Variants in HECTD4 observed in about 807,000 individuals in gnomAD.
HECTD4 encodes the protein probable E3 ubiquitin-protein ligase HECTD4.
In HECTD4, 114 loss-of-function variants were observed where a neutral mutation model predicts 471.5. The observed-to-expected ratio is 0.24, with a 90% CI of 0.21 to 0.28. The LOEUF (loss-of-function observed/expected upper bound fraction) is 0.28. Among genes scored for constraint, HECTD4 ranks in the 10% least tolerant of loss-of-function variants. HECTD4 has a pLI of 1.00. For synonymous variants in HECTD4, 2,012 were observed against 2,256.0 expected (o/e 0.89, Z 3.07); for missense variants, 3,866 against 5,651.5 (o/e 0.68, Z 10.13).
chr12:112,169,837 C>A, intron 69 of HECTD4, 179 bp from the exon 70 acceptor site: 1 of 703,498 alleles, frequency 1.4e-6, no homozygotes, highest in South Asian at 1.7e-5. Flanking sequence ...CCTTAGCACT[C>A]ATGGCTCCCA....
intron 55 of HECTD4, among the ~76,000 whole-genome samples, chr12:112,199,342 T>C (rs1261794257): frequency 6.6e-6 from 1 of 152,176 alleles, no homozygotes; most frequent in African/African-American, 2.4e-5. Flanking sequence ...CTCATTGAAC[T>C]TAAGATCACC....
Position 112,164,261 on chromosome 12 carries a change from G to T in HECTD4, c.12549C>A (p.Thr4183=), listed in dbSNP as rs770712715. The T allele has an allele frequency of 6.2e-7, 1 of 1,612,882 alleles. No homozygotes were observed. The highest frequency in any genetic ancestry group is 1.7e-5 in the Admixed American group (1 of 59,978). The change falls in exon 73 of 76, where the codon ACC becomes ACA. Residue 4183 remains threonine, a synonymous_variant. Transcript: ENST00000682272. ...TCTCAGCGCACAGGGCCTCCAGCTC[G>T]GTCTCATCATTGATCTGGAGGGTGG... ...VKKFESINDE[T]ELEALCAEIA...
Position 112,246,915 on chromosome 12 carries a change from G to A in HECTD4, c.4499C>T (p.Pro1500Leu). The change falls in exon 29 of 76, where the codon CCT (proline) becomes CTT (leucine). Residue 1500 changes from proline to leucine, a missense_variant. Pro to Leu is a moderately conservative substitution (Grantham distance 98). Transcript: ENST00000682272. ...TTGAGCAGTACCTGGTGTTTCAGCAGGGGTCCCAGAGATGCTTCTCGTGAG... is the reference window on the plus strand; with the variant it reads ...TTGAGCAGTACCTGGTGTTTCAGCAAGGGTCCCAGAGATGCTTCTCGTGAG... ...SGLTRSISGTPAETPACKSAS... is the reference protein window; with the variant it reads ...SGLTRSISGTLAETPACKSAS... 1 of 1,611,974 alleles carries A rather than the reference G, an allele frequency of 6.2e-7. No individual in the cohort carries two copies. The highest frequency in any genetic ancestry group is 8.5e-7 in the Non-Finnish European group (1 of 1,179,752).
chr12:112,221,502 G>A (rs1279207609), intron 44 of HECTD4, among the ~76,000 whole-genome samples: 1 of 152,196 alleles, frequency 6.6e-6, no homozygotes, highest in Non-Finnish European at 1.5e-5. Flanking sequence ...GCCTCTCAAA[G>A]TGCTGGGATT....
intron 25 of HECTD4, chr12:112,249,908 A>G (rs988201797): frequency 1.9e-6 from 1 of 533,342 alleles, no homozygotes; most frequent in African/African-American, 1.9e-5. Context: ...AATGGGGTCC[A>G]AGAACCAACA....
At chr12:112,317,185 A>C (rs2135697052) in intron 2 of HECTD4, among the ~76,000 whole-genome samples, 1 of 152,356 alleles carries the variant, frequency 6.6e-6, no homozygotes, top group East Asian at 1.9e-4. Context: ...AAAATAAATC[A>C]ATCCAATATA....
intron 1 of HECTD4, among the ~76,000 whole-genome samples, chr12:112,361,009 C>A (rs1477499246): frequency 2.0e-5 from 3 of 149,504 alleles, no homozygotes; most frequent in Non-Finnish European, 4.5e-5. Context: ...AAGGTAAGAT[C>A]AAAACAGTAT....
rs1310571030 is a variant in HECTD4, at chr12:112,239,529, T to G, written c.5106-293A>C. Among the ~76,000 whole-genome samples the G allele has an allele frequency of 6.6e-6, 1 of 152,252 alleles. No homozygotes were observed. Among genetic ancestry groups the G allele is most frequent in the Non-Finnish European group, 1.5e-5 (1 of 68,048 alleles). ...TTTTGTCCTAAGGGGATTCAATGAA[T>G]GCTTGACATCTTCAAATTAGTAACT... On this transcript the variant is annotated intron_variant, in intron 33 of 75. Coordinates refer to ENST00000682272, the MANE Select transcript of HECTD4 (RefSeq NM_001388303.1). This position sits in a 1 kb window ranked among gnomAD's most constrained non-coding sequence, Gnocchi z 4.9.
rs1174036094 is a variant in HECTD4, at chr12:112,172,861, C to T, written c.11595G>A (p.Arg3865=). ...CATGTCGGACATCGATGCATGCGCACCTTGGGGTGGGGACAGGGGGAGAGG... is the reference window on the plus strand; with the variant it reads ...CATGTCGGACATCGATGCATGCGCATCTTGGGGTGGGGACAGGGGGAGAGG... ...LSCGYDLHFE[R]CACIDVRHAQ... The change falls in exon 67 of 76, where the codon AGG becomes AGA. Residue 3865 remains arginine, a splice_region_variant and synonymous_variant. Coordinates refer to ENST00000682272, the MANE Select transcript of HECTD4 (RefSeq NM_001388303.1). The T allele has an allele frequency of 1.9e-6, 3 of 1,613,776 alleles. No homozygotes were observed. Among genetic ancestry groups the T allele is most frequent in the Non-Finnish European group, 2.5e-6 (3 of 1,179,750 alleles).
intron 15 of HECTD4, 58 bp downstream of exon 15, chr12:112,265,820 A>G: frequency 7.7e-7 from 1 of 1,299,316 alleles, no homozygotes; most frequent in Non-Finnish European, 1.1e-6. Flanking sequence ...ACACATTTAA[A>G]TGTAAACTAA....
At position 112,163,021 on chromosome 12, in the gene HECTD4, A is replaced by G. The variant is rs1179170574; in HGVS notation, c.13120+21T>C. The G allele has an allele frequency of 6.4e-7, 1 of 1,561,062 alleles. No homozygotes were observed. The highest frequency in any genetic ancestry group is 8.8e-7 in the Non-Finnish European group (1 of 1,139,512). On this transcript the variant is annotated intron_variant, in intron 75 of 75. Transcript: ENST00000682272. The surrounding 1 kb of genome is among the most constrained non-coding windows in gnomAD (Gnocchi z 8.2). Reference sequence around the variant, plus strand: ...AGGCTAGTGTGTCCCTACTTGGGACATGGCCAGGGGAGGGCGGTACCTGCT... The same window carrying G: ...AGGCTAGTGTGTCCCTACTTGGGACGTGGCCAGGGGAGGGCGGTACCTGCT...
At chr12:112,308,352 C>T (rs562220803) in intron 6 of HECTD4, among the ~76,000 whole-genome samples, 21 of 151,640 alleles carry the variant, frequency 1.4e-4, no homozygotes, top group Non-Finnish European at 2.6e-4. Flanking sequence ...CATTTCAAAG[C>T]TCCCTTTCCC....
rs1044420316 is a variant in HECTD4, at chr12:112,193,585, A to G, written c.8839T>C (p.Tyr2947His). Residue 2947 changes from tyrosine (Y) to histidine (H), a missense_variant, in exon 57 of 76, where the codon TAC becomes CAC. Tyr to His is a moderately conservative substitution (Grantham distance 83). Transcript: ENST00000682272. This position sits in a 1 kb window ranked among gnomAD's most constrained non-coding sequence, Gnocchi z 5.2. ...SQNCSATDLFYQGNSQTVREW... is the reference protein window; with the variant it reads ...SQNCSATDLFHQGNSQTVREW... Reference sequence around the variant, plus strand: ...CTCACTGTCTGGGAGTTGCCCTGGTAAAAGAGGTCCGTGGCGGAGCAGTTC... The same window carrying G: ...CTCACTGTCTGGGAGTTGCCCTGGTGAAAGAGGTCCGTGGCGGAGCAGTTC... The G allele has an allele frequency of 6.2e-7, 1 of 1,613,146 alleles. No individual in the cohort carries two copies. Among genetic ancestry groups the G allele is most frequent in the Non-Finnish European group, 8.5e-7 (1 of 1,179,600 alleles).
At chr12:112,375,419 A>G (rs2036758115) in intron 1 of HECTD4, among the ~76,000 whole-genome samples, 1 of 152,188 alleles carries the variant, frequency 6.6e-6, no homozygotes, top group African/African-American at 2.4e-5. Flanking sequence ...AGCAAACACA[A>G]TGAAATATGA....
chr12:112,221,276 T>A (rs2033086960), intron 44 of HECTD4, among the ~76,000 whole-genome samples: 1 of 151,962 alleles, frequency 6.6e-6, no homozygotes, highest in Non-Finnish European at 1.5e-5. Context: ...TGAGACAGGG[T>A]CTCACTCTGT....
chr12:112,172,492 C>T (rs2031263641), intron 67 of HECTD4, among the ~76,000 whole-genome samples, 179 bp downstream of exon 67: 1 of 152,258 alleles, frequency 6.6e-6, no homozygotes, highest in Admixed American at 6.5e-5. Context: ...GTCCTGGCTC[C>T]CTGCCTTGCC....
At chr12:112,325,532 C>G (rs1167308304) in intron 1 of HECTD4, among the ~76,000 whole-genome samples, 1 of 152,272 alleles carries the variant, frequency 6.6e-6, no homozygotes, top group Non-Finnish European at 1.5e-5. Flanking sequence ...TATGGCATAT[C>G]TATTCTGGTA....
chr12:112,306,174 C>T lies in HECTD4; in HGVS notation c.1225G>A (p.Val409Met). The T allele has an allele frequency of 6.2e-7, 1 of 1,612,114 alleles. No homozygotes were observed. The highest frequency in any genetic ancestry group is 2.2e-5 in the East Asian group (1 of 44,750). Reference protein sequence around the residue: ...HLPIGSTMSTVHLSSDGTYFY... With the variant: ...HLPIGSTMSTMHLSSDGTYFY... ...TAAGTGCCATCTGAAGACAGGTGCA[C>T]AGTGCTCATGGTGCTGCCAATGGGG... Residue 409 changes from valine (V) to methionine (M), a missense_variant, in exon 7 of 76, where the codon GTG becomes ATG. Transcript: ENST00000682272.
At position 112,184,691 on chromosome 12, in the gene HECTD4, G is replaced by A. The variant is rs767913119; in HGVS notation, c.10275C>T (p.Gly3425=). 2.5e-6 allele frequency: 4 copies of A among 1,604,840 alleles called. No homozygotes were observed. Among genetic ancestry groups the A allele is most frequent in the African/African-American group, 2.8e-5 (2 of 71,962 alleles). The part of the protein sequence containing the change: ...GAIRKACNAH[G]GVFKDEIYIP... ...TGTAGATCTCGTCTTTGAAGACCCC[G>A]CCGTGGGCGTTGCAGGCCTTGCGGA... Residue 3425 remains glycine (G), a synonymous_variant, in exon 61 of 76, where the codon GGC becomes GGT. Transcript: ENST00000682272. This position sits in a 1 kb window ranked among gnomAD's most constrained non-coding sequence, Gnocchi z 9.1.
Sources: gnomAD v4.1 joint callset for allele counts (sites outside exome capture counted in the v4.1 genomes callset) on GRCh38, gnomAD v4.1.1 for gene constraint, Gnocchi (gnomAD v3.1) non-coding constraint, MANE v1.5 for transcripts, NCBI Gene and HGNC (gene_info 2026-07-23, HGNC 2026-07-21) for gene names.